The following CABIN1 variants were observed in gnomAD, a reference collection of about 807,000 sequenced individuals.
CABIN1 encodes the protein calcineurin-binding protein cabin-1.
CABIN1 carries 133 observed loss-of-function variants against 227.7 expected under a neutral mutation model. The observed-to-expected ratio is 0.58, with a 90% CI of 0.51 to 0.67. The LOEUF (loss-of-function observed/expected upper bound fraction) is 0.67, where lower values mean the gene tolerates loss of function less well. Among genes scored for constraint, CABIN1 ranks in the 30% least tolerant of loss-of-function variants. CABIN1 has a pLI of 0.00. For synonymous variants in CABIN1, 1,086 were observed against 1,155.1 expected, an observed-to-expected ratio of 0.94 and a Z score of 1.21; for missense variants, 2,408 against 2,852.5, an observed-to-expected ratio of 0.84 and a Z score of 3.55.
intron 29 of CABIN1, among the ~76,000 whole-genome samples, chr22:24,159,693 A>G (rs1447632899): frequency 6.6e-6 from 1 of 152,196 alleles, no homozygotes; most frequent in Admixed American, 6.5e-5. Flanking sequence ...AGGGGGTTGC[A>G]TCTGAATCCT....
chr22:24,068,126 G>T (rs1051544793), intron 16 of CABIN1, among the ~76,000 whole-genome samples: 1 of 152,188 alleles, frequency 6.6e-6, no homozygotes, highest in Non-Finnish European at 1.5e-5. Context: ...TAGTTAAGAG[G>T]TGCGACTATG....
intron 24 of CABIN1, among the ~76,000 whole-genome samples, chr22:24,094,521 A>G (rs1602048798): frequency 1.3e-5 from 2 of 152,230 alleles, no homozygotes; most frequent in East Asian, 3.8e-4. Context: ...ATCTTGTGTT[A>G]AAAATGACAT....
At chr22:24,015,255 G>C (rs2035166882) in intron 1 of CABIN1, among the ~76,000 whole-genome samples, 1 of 123,864 alleles carries the variant, frequency 8.1e-6, no homozygotes, top group Non-Finnish European at 1.6e-5. Flanking sequence ...GACCGGCCGA[G>C]TGAGAATCCA....
At chr22:24,103,516 C>T (rs1487370690) in intron 26 of CABIN1, among the ~76,000 whole-genome samples, 4 of 152,126 alleles carry the variant, frequency 2.6e-5, no homozygotes, top group Non-Finnish European at 4.4e-5. Context: ...AGGGCAGGCC[C>T]ACCCTGGCCT....
chr22:24,050,760 G>A (rs2038262313), intron 7 of CABIN1, 65 bp from the exon 8 acceptor site: 1 of 1,596,404 alleles, frequency 6.3e-7, no homozygotes, highest in South Asian at 1.1e-5. Context: ...ATTTTTGTGT[G>A]TAAAATTTCA....
intron 1 of CABIN1, among the ~76,000 whole-genome samples, chr22:24,013,378 T>C (rs1270237313): frequency 6.6e-6 from 1 of 151,660 alleles, no homozygotes; most frequent in Non-Finnish European, 1.5e-5. Flanking sequence ...TTGTATTTTT[T>C]AGTAGAGACG....
chr22:24,038,327 A>G lies in CABIN1; in HGVS notation c.97-21A>G, dbSNP rs1407442523. 3 of 1,588,912 alleles carry G rather than the reference A, an allele frequency of 1.9e-6. No individual in the cohort carries two copies. In the African/African-American group the frequency reaches 4.0e-5, roughly 21 times the overall value. ...ACAGATCTTTATGCTGTATGAAAAC[A>G]TCTCTTGTCTTGATTTGCAGGAAGC... On this transcript the variant is annotated intron_variant, in intron 3 of 36. Coordinates refer to ENST00000263119, the MANE Select transcript of CABIN1 (RefSeq NM_012295.4).
intron 28 of CABIN1, among the ~76,000 whole-genome samples, chr22:24,126,292 T>C (rs943127829): frequency 5.9e-5 from 9 of 151,996 alleles, no homozygotes; most frequent in African/African-American, 1.5e-4. Context: ...AAACAAAGCT[T>C]GGTAAGGGGT....
chr22:24,082,210 C>T lies in CABIN1; in HGVS notation c.2749-1018C>T, dbSNP rs576815385. On this transcript the variant is annotated intron_variant, in intron 19 of 36. Transcript: ENST00000263119. Reference sequence around the variant, plus strand: ...GCTCGAGCAGTCTTCCTGCCTTAGCCTCCCACGTAGCTGGGACTACAGGTG... The same window carrying T: ...GCTCGAGCAGTCTTCCTGCCTTAGCTTCCCACGTAGCTGGGACTACAGGTG... 2.6e-5 allele frequency among the ~76,000 whole-genome samples: 4 copies of T among 151,816 alleles called. No individual in the cohort carries two copies. The South Asian group carries it at 8.3e-4, about 32-fold the overall frequency.
At chr22:24,129,277 G>A (rs1179304897) in intron 28 of CABIN1, among the ~76,000 whole-genome samples, 2 of 152,186 alleles carry the variant, frequency 1.3e-5, no homozygotes, top group Non-Finnish European at 2.9e-5. Context: ...AGGGAGCGTG[G>A]GGAGTTCCAG....
chr22:24,042,820 G>GTGTC, intron 5 of CABIN1, 84 bp from the exon 6 acceptor site: 1 of 251,152 alleles, frequency 4.0e-6, no homozygotes, highest in Non-Finnish European at 7.3e-6. Context: ...AGATCTGACT[G>GTGTC]TGTGTGTGTG....
Position 24,059,310 on chromosome 22 carries a change from CAAGCATTGGGCCTCAAA to C in CABIN1, c.1347_1363del (p.Ser450AlafsTer4). On this transcript the variant is annotated frameshift_variant, in exon 11 of 37. Coordinates refer to ENST00000263119, the MANE Select transcript of CABIN1 (RefSeq NM_012295.4). LOFTEE classifies it high-confidence loss of function. ...TCAGAAGCCAAACTGGAAAGCTTCC[CAAGCATTGGGCCTCAAA>C]GGCTGTCATTTGACTCAGCCACATT... 6.2e-7 allele frequency: 1 copy of C among 1,614,172 alleles called. No individual in the cohort carries two copies. The highest frequency in any genetic ancestry group is 8.5e-7 in the Non-Finnish European group (1 of 1,180,018).
At chr22:24,016,198 C>A (rs1265887349) in intron 1 of CABIN1, among the ~76,000 whole-genome samples, 1 of 152,176 alleles carries the variant, frequency 6.6e-6, no homozygotes, top group Non-Finnish European at 1.5e-5. Context: ...CACTTTCTGA[C>A]TTTATAAATT....
At chr22:24,071,106 T>G (rs1282020706) in intron 17 of CABIN1, 64 bp downstream of exon 17, 16 of 1,604,032 alleles carry the variant, frequency 1.0e-5, no homozygotes, top group Non-Finnish European at 1.2e-5. Context: ...ACATCCTGCT[T>G]CTTCAGTAGT....
intron 4 of CABIN1, among the ~76,000 whole-genome samples, chr22:24,039,059 G>A (rs914882448): frequency 2.0e-5 from 3 of 152,170 alleles, no homozygotes; most frequent in Non-Finnish European, 2.9e-5. Context: ...GTTAATCCTC[G>A]AGTTGACTGG....
rs776265886 is a variant in CABIN1, at chr22:24,113,614, C to T, written c.4166C>T (p.Thr1389Met). Residue 1389 changes from threonine (T) to methionine (M), a missense_variant, in exon 27 of 37, where the codon ACG (threonine) becomes ATG (methionine). Physicochemically the swap from Thr to Met is moderately conservative, Grantham distance 81. Transcript: ENST00000263119. ...GTAGCACTCTCAGACTCTAGCTCAA[C>T]GCAGGACTTCTTTAATGAGCCCACC... Reference protein sequence around the residue: ...TAVALSDSSSTQDFFNEPTSL... With the variant: ...TAVALSDSSSMQDFFNEPTSL... 22 of 1,614,050 alleles carry T rather than the reference C, an allele frequency of 1.4e-5. No individual in the cohort carries two copies. Among genetic ancestry groups the T allele is most frequent in the East Asian group, 6.7e-5 (3 of 44,894 alleles).
chr22:24,044,706 A>G (rs899541777), intron 6 of CABIN1, among the ~76,000 whole-genome samples: 2 of 152,246 alleles, frequency 1.3e-5, no homozygotes, highest in African/African-American at 2.4e-5. Flanking sequence ...ACACTAGAAC[A>G]TAGACGTAAT....
rs116888177 is a variant in CABIN1, at chr22:24,052,414, T to C, written c.806+1440T>C. Among the ~76,000 whole-genome samples, 959 of 152,254 alleles carry C rather than the reference T, an allele frequency of 6.3e-3. 11 individuals are homozygous for C. The highest frequency in any genetic ancestry group is 0.01 in the Middle Eastern group (3 of 294). ...CCTTTAAAGAGCCAGAGAGTAAACA[T>C]ACTAGCCTTTGTGGGCCATGTACAA... On this transcript the variant is annotated intron_variant, in intron 8 of 36. Transcript: ENST00000263119.
intron 29 of CABIN1, among the ~76,000 whole-genome samples, chr22:24,161,312 C>T (rs905936940): frequency 4.6e-5 from 7 of 152,126 alleles, no homozygotes; most frequent in African/African-American, 1.7e-4. Context: ...CTGCCCTCAA[C>T]TCTATAAGCA....
Sources: gnomAD v4.1 joint callset for allele counts (sites outside exome capture counted in the v4.1 genomes callset) on GRCh38, gnomAD v4.1.1 for gene constraint, MANE v1.5 for transcripts, NCBI Gene and HGNC (gene_info 2026-07-23, HGNC 2026-07-21) for gene names.